Variants in COL6A6 observed in about 807,000 individuals in gnomAD.
COL6A6 encodes collagen alpha-6(VI) chain.
Under a neutral mutation model 208.6 loss-of-function variants are expected in COL6A6, and 183 were observed. That is an observed-to-expected ratio of 0.88 (90% CI 0.78 to 0.99). The LOEUF is 0.99. COL6A6 is among the 50% of genes least tolerant of loss of function. The pLI, the probability that COL6A6 is intolerant of heterozygous loss-of-function variation, is 0.00. For synonymous variants in COL6A6, 973 were observed against 1,011.8 expected (o/e 0.96, Z 0.73); for missense variants, 2,816 against 2,815.2 (o/e 1.00, Z -0.01).
chr3:130,649,029 T>G, intron 32 of COL6A6, 40 bp from the exon 33 acceptor site: 1 of 1,389,962 alleles, frequency 7.2e-7, no homozygotes, highest in Non-Finnish European at 9.4e-7. Flanking sequence ...TTTTTTTTTT[T>G]AAATAAGGAT....
At chr3:130,646,081 A>G (rs1338065555) in intron 32 of COL6A6, among the ~76,000 whole-genome samples, 2 of 152,256 alleles carry the variant, frequency 1.3e-5, no homozygotes, top group Non-Finnish European at 2.9e-5. Context: ...CCAGCACATT[A>G]GGTGCTATTT....
rs188457901 is a variant in COL6A6 at position 130,566,188 on chromosome 3, G to A, written c.1283-514G>A. On this transcript the variant is annotated intron_variant, in intron 4 of 36. Transcript: ENST00000358511. The stretch of plus-strand genomic sequence containing the variant: ...TATGTATTGGTATACATATAGATGT[G>A]TATATTCTTCCATAAATATTTATAG... Among the ~76,000 whole-genome samples the A allele has an allele frequency of 3.0e-4, 45 of 152,276 alleles. No homozygotes were observed. The East Asian group carries it at 5.6e-3, about 19-fold the overall frequency.
In COL6A6 at chr3:130,581,650, T is replaced by G; in HGVS notation, c.3637T>G (p.Tyr1213Asp). Residue 1213 changes from tyrosine to aspartate, a missense_variant, in exon 9 of 37, where the codon TAC (tyrosine) becomes GAC (aspartate). Physicochemically the swap from Tyr to Asp is radical, Grantham distance 160 (BLOSUM62 -3). Coordinates refer to ENST00000358511, the MANE Select transcript of COL6A6 (RefSeq NM_001102608.3). The part of the protein sequence containing the change: ...LLEGQPWMET[Y>D]LQDILRAISS... ...TGAAGGTCAGCCTTGGATGGAAACC[T>G]ACCTTCAAGACATCTTACGTGCCAT... 6.2e-7 allele frequency: 1 copy of G among 1,613,996 alleles called. No individual in the cohort carries two copies. Among genetic ancestry groups the G allele is most frequent in the African/African-American group, 1.3e-5 (1 of 75,066 alleles).
intron 1 of COL6A6, among the ~76,000 whole-genome samples, chr3:130,559,003 T>C (rs898275856): frequency 3.3e-5 from 5 of 152,176 alleles, no homozygotes; most frequent in Non-Finnish European, 5.9e-5. Flanking sequence ...AAAGTCTGTT[T>C]CCTCATTTGC....
intron 8 of COL6A6, among the ~76,000 whole-genome samples, chr3:130,579,704 C>T (rs1025538454): frequency 6.6e-6 from 1 of 152,200 alleles, no homozygotes; most frequent in African/African-American, 2.4e-5. Flanking sequence ...AAACTCCCTG[C>T]CTCCAGTCCT....
chr3:130,618,379 T>C (rs143691531), intron 23 of COL6A6, among the ~76,000 whole-genome samples: 57 of 152,346 alleles, frequency 3.7e-4, no homozygotes, highest in African/African-American at 1.3e-3. Context: ...CTCAGCACAG[T>C]GCCTTGCACA....
In COL6A6 at chr3:130,649,427, C is replaced by T. The variant is rs1178684666; in HGVS notation, c.5598C>T (p.Ile1866=). Reference sequence around the variant, plus strand: ...TTCCGGGGGCACACACGAGAAAAATCGCCACATTTTTCAGCAGCGGTCAGT... The same window carrying T: ...TTCCGGGGGCACACACGAGAAAAATTGCCACATTTTTCAGCAGCGGTCAGT... ...RTLPGAHTRK[I]ATFFSSGQSA... The change falls in exon 33 of 37, where the codon ATC becomes ATT. Residue 1866 remains isoleucine, a synonymous_variant. Transcript: ENST00000358511. The T allele has an allele frequency of 5.0e-6, 8 of 1,613,192 alleles. No individual in the cohort carries two copies. The South Asian group carries it at 7.7e-5, about 16-fold the overall frequency.
At chr3:130,649,694 G>A (rs2065578401) in intron 33 of COL6A6, 132 bp downstream of exon 33, 1 of 917,800 alleles carries the variant, frequency 1.1e-6, no homozygotes, top group Non-Finnish European at 1.6e-6. Context: ...TGGCAGAGTA[G>A]AATAAGTATT....
intron 1 of COL6A6, among the ~76,000 whole-genome samples, chr3:130,529,241 G>A (rs1389244903): frequency 6.6e-6 from 1 of 151,068 alleles, no homozygotes; most frequent in African/African-American, 2.4e-5. Flanking sequence ...TTCAATGAAG[G>A]GGGGAAAAAC....
chr3:130,663,483 G>T (rs966095113), intron 35 of COL6A6, among the ~76,000 whole-genome samples: 1 of 152,060 alleles, frequency 6.6e-6, no homozygotes, highest in African/African-American at 2.4e-5. Context: ...CCAGAAAGAA[G>T]AGCTGAGGAA....
rs758040604 is a variant in COL6A6 at position 130,649,350 on chromosome 3, G to A, written c.5521G>A (p.Glu1841Lys). 6.2e-6 allele frequency: 10 copies of A among 1,611,020 alleles called. 1 individual carries two copies. The South Asian group carries it at 1.1e-4, about 18-fold the overall frequency. ...TTATGAGAGATCCTCTGCCAGCAGG[G>A]AGATTGGCAGAGCAATGCGGTTTAT... ...IPYERSSASR[E>K]IGRAMRFISR... The change falls in exon 33 of 37, where the codon GAG (glutamate) becomes AAG (lysine). Residue 1841 changes from glutamate (E) to lysine (K), a missense_variant. By Grantham distance (56) the Glu-to-Lys change is moderately conservative (BLOSUM62 1). Coordinates refer to ENST00000358511, the MANE Select transcript of COL6A6 (RefSeq NM_001102608.3).
chr3:130,602,992 T>C (rs1402268067), intron 20 of COL6A6, among the ~76,000 whole-genome samples: 1 of 152,210 alleles, frequency 6.6e-6, no homozygotes, highest in Non-Finnish European at 1.5e-5. Context: ...CATGGAGGAC[T>C]TGTCAGTGCA....
chr3:130,649,551 C>T lies in COL6A6; in HGVS notation c.5722C>T (p.Arg1908Cys), dbSNP rs376975822. 19 of 1,585,944 alleles carry T rather than the reference C, an allele frequency of 1.2e-5. No individual in the cohort carries two copies. In the African/African-American group the frequency reaches 2.0e-4, roughly 17 times the overall value. The change falls in exon 33 of 37, where the codon CGC becomes TGC. Residue 1908 changes from arginine to cysteine, a missense_variant. Physicochemically the swap from Arg to Cys is radical, Grantham distance 180. Transcript: ENST00000358511. ...ITFSNVPSVR[R>C]AFAIDDTGTF... ...TTTCAGCAACGTGCCCTCGGTCAGG[C>T]GCGCATTTGCGGTATGAGGATGAAA...
At chr3:130,602,353 A>C (rs2064049733) in intron 20 of COL6A6, among the ~76,000 whole-genome samples, 1 of 152,258 alleles carries the variant, frequency 6.6e-6, no homozygotes, top group Non-Finnish European at 1.5e-5. Flanking sequence ...AAGTGGTCCT[A>C]TTCAAAGATG....
chr3:130,581,725 A>G lies in COL6A6; in HGVS notation c.3712A>G (p.Ser1238Gly). 6.2e-7 allele frequency: 1 copy of G among 1,613,990 alleles called. No individual in the cohort carries two copies. Among genetic ancestry groups the G allele is most frequent in the African/African-American group, 1.3e-5 (1 of 75,066 alleles). The change falls in exon 9 of 37, where the codon AGT becomes GGT. Residue 1238 changes from serine to glycine, a missense_variant. Coordinates refer to ENST00000358511, the MANE Select transcript of COL6A6 (RefSeq NM_001102608.3). ...SCEVGTETQV[S>G]VAFQVTNAME... ...TGAGGTGGGCACAGAGACTCAGGTCAGTGTGGCTTTTCAAGTGACCAATGC... is the reference window on the plus strand; with the variant it reads ...TGAGGTGGGCACAGAGACTCAGGTCGGTGTGGCTTTTCAAGTGACCAATGC...
intron 23 of COL6A6, among the ~76,000 whole-genome samples, chr3:130,616,622 T>G (rs1428791792): frequency 2.0e-5 from 3 of 152,110 alleles, no homozygotes; most frequent in Non-Finnish European, 4.4e-5. Flanking sequence ...CTGTAATTAT[T>G]TTTTAAATAC....
rs145299928 is a variant in COL6A6, at chr3:130,644,985, C to T, written c.5228-6C>T. 6.5e-5 allele frequency: 104 copies of T among 1,611,438 alleles called. No individual in the cohort carries two copies. The African/African-American group carries it at 1.1e-3, about 17-fold the overall frequency. On this transcript the variant is annotated splice_polypyrimidine_tract_variant and splice_region_variant and intron_variant, in intron 31 of 36. Transcript: ENST00000358511. ...TAATCCAATCTCCTTTGTTCTTCTT[C>T]CCCAGCTGGCAGGCATGGTGAGTAA... is the stretch of plus-strand genomic sequence containing the variant.
Position 130,567,251 on chromosome 3 carries a change from G to C in COL6A6, c.1832G>C (p.Cys611Ser). The change falls in exon 5 of 37, where the codon TGT (cysteine) becomes TCT (serine). Residue 611 changes from cysteine to serine, a missense_variant. Coordinates refer to ENST00000358511, the MANE Select transcript of COL6A6 (RefSeq NM_001102608.3). Reference sequence around the variant, plus strand: ...AGAAACCAAGTTGTTCAAGAAATCTGTACTGAAGAAGGTAAGAGAAATCGT... The same window carrying C: ...AGAAACCAAGTTGTTCAAGAAATCTCTACTGAAGAAGGTAAGAGAAATCGT... Reference protein sequence around the residue: ...DIRNQVVQEICTEEACKEMKA... With the variant: ...DIRNQVVQEISTEEACKEMKA... The C allele has an allele frequency of 1.2e-6, 2 of 1,606,252 alleles. No individual in the cohort carries two copies. Among genetic ancestry groups the C allele is most frequent in the Non-Finnish European group, 1.7e-6 (2 of 1,175,248 alleles).
intron 13 of COL6A6, among the ~76,000 whole-genome samples, chr3:130,592,197 GT>G (rs5852600): frequency 0.99 from 150,307 of 152,196 alleles, 74,235 homozygotes; most frequent in African/African-American, 1. Flanking sequence ...TAAGGTGAAG[GT>G]TTATAGGTAA....
Sources: allele counts gnomAD v4.1 joint callset (sites outside exome capture counted in the v4.1 genomes callset), GRCh38; gene constraint gnomAD v4.1.1; transcripts MANE v1.5; gene names NCBI Gene and HGNC (gene_info 2026-07-23, HGNC 2026-07-21).